The following LEMD3 variants were observed in gnomAD, a reference collection of about 807,000 sequenced individuals.
LEMD3 encodes the protein inner nuclear membrane protein Man1.
LEMD3 carries 33 observed loss-of-function variants against 95.2 expected under a neutral mutation model. That is an observed-to-expected ratio of 0.35 (90% CI 0.26 to 0.46). The LOEUF is 0.46. LEMD3 is among the 20% of genes least tolerant of loss of function. The probability of loss-of-function intolerance (pLI) is 1.00; values close to 1 mark genes in which losing one functional copy is unlikely to be tolerated. For synonymous variants in LEMD3, 525 were observed against 474.6 expected (o/e 1.11, Z -1.38); for missense variants, 1,210 against 1,192.8 (o/e 1.01, Z -0.21).
chr12:65,229,113 T>C (rs1029498930), intron 4 of LEMD3, among the ~76,000 whole-genome samples: 33 of 152,256 alleles, frequency 2.2e-4, no homozygotes, highest in African/African-American at 7.9e-4. Flanking sequence ...GACTTCTAAC[T>C]CATTTGTCTT....
chr12:65,229,669 TTG>T (rs1870564391), intron 4 of LEMD3, among the ~76,000 whole-genome samples: 1 of 152,176 alleles, frequency 6.6e-6, no homozygotes, highest in African/African-American at 2.4e-5. Flanking sequence ...TGTTGGTTGT[TTG>T]TATGTCTTCT....
chr12:65,207,187 T>A (rs898299096), intron 1 of LEMD3, among the ~76,000 whole-genome samples: 1 of 152,180 alleles, frequency 6.6e-6, no homozygotes, highest in African/African-American at 2.4e-5. Flanking sequence ...ATTTCCTTTT[T>A]ATTCAACGGA....
At chr12:65,197,882 T>C (rs531855950) in intron 1 of LEMD3, among the ~76,000 whole-genome samples, 5 of 152,280 alleles carry the variant, frequency 3.3e-5, no homozygotes, top group East Asian at 3.9e-4. Context: ...GTGCGTTTGC[T>C]CTCTCCAGTT....
chr12:65,230,668 AG>A (rs1325212899), intron 4 of LEMD3, among the ~76,000 whole-genome samples: 5 of 152,134 alleles, frequency 3.3e-5, no homozygotes. Flanking sequence ...TGGAACTTTT[AG>A]AGTGTTCCAC....
intron 4 of LEMD3, among the ~76,000 whole-genome samples, chr12:65,225,974 A>G (rs537498669): frequency 2.5e-4 from 38 of 152,324 alleles, no homozygotes; most frequent in African/African-American, 8.2e-4. Context: ...CAGCGAGGCA[A>G]CACTCCTTGC....
intron 4 of LEMD3, among the ~76,000 whole-genome samples, chr12:65,221,573 A>G (rs1870289903): frequency 6.6e-6 from 1 of 151,966 alleles, no homozygotes; most frequent in Non-Finnish European, 1.5e-5. Context: ...GTATAAGATT[A>G]TGTCACTTGC....
chr12:65,207,711 C>CTA (rs1231855487), intron 1 of LEMD3, among the ~76,000 whole-genome samples: 10 of 152,134 alleles, frequency 6.6e-5, no homozygotes, highest in African/African-American at 2.4e-4. Flanking sequence ...CCTGAATATA[C>CTA]TATTGCCTGT....
chr12:65,241,433 A>G (rs185037033), intron 9 of LEMD3, among the ~76,000 whole-genome samples: 106 of 151,450 alleles, frequency 7.0e-4, no homozygotes, highest in African/African-American at 2.5e-3. Context: ...TAAAATATAT[A>G]TAAACTATAT....
intron 10 of LEMD3, 154 bp from the exon 11 acceptor site, chr12:65,245,515 G>A: frequency 1.5e-6 from 1 of 647,278 alleles, no homozygotes; most frequent in Non-Finnish European, 2.7e-6. Flanking sequence ...TCTACCTCCT[G>A]TTAGTCAACA....
Position 65,169,847 on chromosome 12 carries a change from C to T in LEMD3, c.251C>T (p.Ala84Val), listed in dbSNP as rs1397800496. 2 of 1,458,210 alleles carry T rather than the reference C, an allele frequency of 1.4e-6. No individual in the cohort carries two copies. Among genetic ancestry groups the T allele is most frequent in the East Asian group, 2.5e-5 (1 of 39,462 alleles). 90.3% of individuals were successfully genotyped at this position (1,458,210 alleles called of 1,614,324 possible). The change falls in exon 1 of 13, where the codon GCG becomes GTG. Residue 84 changes from alanine (A) to valine (V), a missense_variant. Transcript: ENST00000308330. ...GTCGCAGCCGCGGGACCAGCGGCGGCGGCGGCCGCGGGGATGGGGGTCCGG... is the reference window on the plus strand; with the variant it reads ...GTCGCAGCCGCGGGACCAGCGGCGGTGGCGGCCGCGGGGATGGGGGTCCGG... Reference protein sequence around the residue: ...ATVAAAGPAAAAAAGMGVRPV... With the variant: ...ATVAAAGPAAVAAAGMGVRPV...
intron 1 of LEMD3, among the ~76,000 whole-genome samples, chr12:65,175,065 A>G (rs944677904): frequency 9.2e-5 from 14 of 152,200 alleles, no homozygotes; most frequent in Non-Finnish European, 1.5e-4. Context: ...AGGACCAAAA[A>G]GAATGGCCAG....
At chr12:65,173,472 A>G (rs1868619079) in intron 1 of LEMD3, among the ~76,000 whole-genome samples, 1 of 152,238 alleles carries the variant, frequency 6.6e-6, no homozygotes, top group Non-Finnish European at 1.5e-5. Context: ...GCTAAGAAGT[A>G]GAGGATCTAG....
chr12:65,204,488 C>T (rs769808642), intron 1 of LEMD3, among the ~76,000 whole-genome samples: 8 of 152,126 alleles, frequency 5.3e-5, no homozygotes, highest in Non-Finnish European at 8.8e-5. Flanking sequence ...GCCCCATCCA[C>T]GTCCCTGCAA....
chr12:65,245,560 G>A (rs1871080715), intron 10 of LEMD3, 109 bp from the exon 11 acceptor site: 2 of 800,502 alleles, frequency 2.5e-6, no homozygotes, highest in Non-Finnish European at 4.4e-6. Flanking sequence ...ATCGTATGTG[G>A]TTTTAAAACT....
At chr12:65,242,295 AGAGTTTC>A (rs1482808400) in intron 9 of LEMD3, among the ~76,000 whole-genome samples, 1 of 151,942 alleles carries the variant, frequency 6.6e-6, no homozygotes, top group Non-Finnish European at 1.5e-5. Context: ...TCTAGGTGTT[AGAGTTTC>A]TCAAGGCCAT....
chr12:65,203,205 T>A (rs1439234002), intron 1 of LEMD3, among the ~76,000 whole-genome samples: 2 of 152,188 alleles, frequency 1.3e-5, no homozygotes, highest in African/African-American at 4.8e-5. Flanking sequence ...TTTTTTGAAT[T>A]TCTGCAATCA....
chr12:65,181,762 T>C (rs1868910678), intron 1 of LEMD3, among the ~76,000 whole-genome samples: 1 of 152,142 alleles, frequency 6.6e-6, no homozygotes, highest in Non-Finnish European at 1.5e-5. Flanking sequence ...TGCAGGTTTT[T>C]AGGAGTAATT....
intron 4 of LEMD3, among the ~76,000 whole-genome samples, chr12:65,224,338 T>A (rs534764755): frequency 6.6e-6 from 1 of 152,314 alleles, no homozygotes; most frequent in African/African-American, 2.4e-5. Context: ...CTTTATTCAT[T>A]TTTGAAGGAT....
chr12:65,237,999 T>A (rs1225483114), intron 4 of LEMD3, among the ~76,000 whole-genome samples: 1 of 152,194 alleles, frequency 6.6e-6, no homozygotes, highest in African/African-American at 2.4e-5. Context: ...CCAGGCGCAG[T>A]GGCTCATGAC....
Sources: allele counts gnomAD v4.1 joint callset (sites outside exome capture counted in the v4.1 genomes callset), GRCh38; gene constraint gnomAD v4.1.1; transcripts MANE v1.5; gene names NCBI Gene and HGNC (gene_info 2026-07-23, HGNC 2026-07-21).